The following PCDHGA9 variants were observed in gnomAD, a reference collection of about 807,000 sequenced individuals.
PCDHGA9 encodes protocadherin gamma-A9.
Under a neutral mutation model 62.5 loss-of-function variants are expected in PCDHGA9, and 37 were observed. That is an observed-to-expected ratio of 0.59 (90% CI 0.46 to 0.78). The LOEUF (loss-of-function observed/expected upper bound fraction) is 0.78, where lower values mean the gene tolerates loss of function less well. Ranked by LOEUF, PCDHGA9 falls within the 30% of genes least tolerant of loss-of-function variation. The pLI, the probability that PCDHGA9 is intolerant of heterozygous loss-of-function variation, is 0.00. For missense variants in PCDHGA9, 1,138 were observed against 1,166.2 expected (o/e 0.98, Z 0.35); for synonymous variants, 459 against 484.6 (o/e 0.95, Z 0.69).
At chr5:141,410,595 C>T (rs753833671) in intron 1 of PCDHGA9, 1 of 1,608,802 alleles carries the variant, frequency 6.2e-7, no homozygotes. Flanking sequence ...GAGGATTTGA[C>T]TTCACATCCT....
At chr5:141,408,844 C>G (rs1359968983) in intron 1 of PCDHGA9, 1 of 1,613,634 alleles carries the variant, frequency 6.2e-7, no homozygotes, top group South Asian at 1.1e-5. Context: ...TATTGACTGC[C>G]TTGGACGGAG....
Position 141,432,757 on chromosome 5 carries a change from C to T in PCDHGA9, c.2424+27381C>T. On this transcript the variant is annotated intron_variant, in intron 1 of 3. Coordinates refer to ENST00000573521, the MANE Select transcript of PCDHGA9 (RefSeq NM_018921.3). This position sits in a 1 kb window ranked among gnomAD's most constrained non-coding sequence, Gnocchi z 6.0. ...TCACGCTCACCGTGGCCGTGGCCGA[C>T]AGCATCCCCCAAGTCCTGGCGGACC... is the stretch of plus-strand genomic sequence containing the variant. 1.2e-6 allele frequency: 2 copies of T among 1,614,150 alleles called. No individual in the cohort carries two copies. Among genetic ancestry groups the T allele is most frequent in the African/African-American group, 1.3e-5 (1 of 75,076 alleles).
intron 1 of PCDHGA9, among the ~76,000 whole-genome samples, chr5:141,465,205 G>A (rs1460694369): frequency 6.6e-6 from 1 of 151,892 alleles, no homozygotes; most frequent in Admixed American, 6.6e-5. Flanking sequence ...AAAAATATAA[G>A]CTTTATTTTT....
chr5:141,449,932 A>T (rs1275797555), intron 1 of PCDHGA9, among the ~76,000 whole-genome samples: 6 of 151,660 alleles, frequency 4.0e-5, no homozygotes, highest in Non-Finnish European at 5.9e-5. Flanking sequence ...CATACCTTAT[A>T]GTATATTTTA....
At chr5:141,468,755 A>G (rs918829539) in intron 1 of PCDHGA9, among the ~76,000 whole-genome samples, 3 of 151,976 alleles carry the variant, frequency 2.0e-5, no homozygotes, top group African/African-American at 7.2e-5. Flanking sequence ...AGTCCCAGCT[A>G]CTCGGGAGGC....
Position 141,491,895 on chromosome 5 carries a change from A to G in PCDHGA9, c.2425-2912A>G. On this transcript the variant is annotated intron_variant, in intron 1 of 3. Transcript: ENST00000573521. This position sits in a 1 kb window ranked among gnomAD's most constrained non-coding sequence, Gnocchi z 6.9. Reference sequence around the variant, plus strand: ...CCGATTAAGGGATGGGGCTCCGAGCACCGGGGGTGGTGGCGACTGTGGGCG... The same window carrying G: ...CCGATTAAGGGATGGGGCTCCGAGCGCCGGGGGTGGTGGCGACTGTGGGCG... 7.0e-7 allele frequency: 1 copy of G among 1,434,306 alleles called. No homozygotes were observed. The highest frequency in any genetic ancestry group is 9.2e-7 in the Non-Finnish European group (1 of 1,084,904). 88.8% of individuals were successfully genotyped at this position (1,434,306 alleles called of 1,614,324 possible). A position where few individuals can be genotyped will look rare whatever the true frequency, so the allele number is the denominator to read the frequency against.
At chr5:141,430,100 C>T (rs6874907) in intron 1 of PCDHGA9, among the ~76,000 whole-genome samples, 7,606 of 152,160 alleles carry the variant, frequency 0.05, 372 homozygotes, top group African/African-American at 0.13. Context: ...GATTTTTAAG[C>T]GTTACATGTC....
chr5:141,475,128 C>T (rs775275292), intron 1 of PCDHGA9, among the ~76,000 whole-genome samples: 3 of 151,894 alleles, frequency 2.0e-5, no homozygotes, highest in Non-Finnish European at 4.4e-5. Context: ...GGCTTTTTTT[C>T]TTTTTGAAAT....
At chr5:141,500,192 A>T (rs865941565) in intron 2 of PCDHGA9, among the ~76,000 whole-genome samples, 1 of 110,142 alleles carries the variant, frequency 9.1e-6, no homozygotes, top group Non-Finnish European at 2.0e-5. Context: ...ATTTTTATTT[A>T]TTTATTTATT....
At position 141,485,398 on chromosome 5, in the gene PCDHGA9, C is replaced by T. The variant is rs906016330; in HGVS notation, c.2425-9409C>T. The T allele has an allele frequency of 1.3e-5, 21 of 1,614,044 alleles. No individual in the cohort carries two copies. The highest frequency in any genetic ancestry group is 1.8e-5 in the Non-Finnish European group (21 of 1,179,928). On this transcript the variant is annotated intron_variant, in intron 1 of 3. Coordinates refer to ENST00000573521, the MANE Select transcript of PCDHGA9 (RefSeq NM_018921.3). This position sits in a 1 kb window ranked among gnomAD's most constrained non-coding sequence, Gnocchi z 5.7. ...CTGGAGAGGTGAACCAAAGACACTT[C>T]CGTGTGGATTTGGACAGCGGAGCCC...
chr5:141,489,165 G>T lies in PCDHGA9; in HGVS notation c.2425-5642G>T. ...GAAGGAGACATAAGAGACTTCAGCT[G>T]CTGCATTCCAAGCCCTGGGTCTACC... On this transcript the variant is annotated intron_variant, in intron 1 of 3. Coordinates refer to ENST00000573521, the MANE Select transcript of PCDHGA9 (RefSeq NM_018921.3). This position sits in a 1 kb window ranked among gnomAD's most constrained non-coding sequence, Gnocchi z 4.5. 9.2e-7 allele frequency: 1 copy of T among 1,082,084 alleles called. No homozygotes were observed. Among genetic ancestry groups the T allele is most frequent in the Non-Finnish European group, 1.3e-6 (1 of 745,856 alleles). 67.0% of individuals were successfully genotyped at this position (1,082,084 alleles called of 1,614,324 possible).
rs1312101699 is a variant in PCDHGA9 at position 141,421,245 on chromosome 5, G to C, written c.2424+15869G>C. ...AGCCTGCCATGGCGAATCGGCTACA[G>C]CGCGGGGACCGCAGTCGGCTGCTGC... On this transcript the variant is annotated intron_variant, in intron 1 of 3. Coordinates refer to ENST00000573521, the MANE Select transcript of PCDHGA9 (RefSeq NM_018921.3). 6.2e-7 allele frequency: 1 copy of C among 1,603,936 alleles called. No homozygotes were observed. The highest frequency in any genetic ancestry group is 8.5e-7 in the Non-Finnish European group (1 of 1,176,330).
At chr5:141,429,577 T>C (rs2097225544) in intron 1 of PCDHGA9, among the ~76,000 whole-genome samples, 2 of 152,230 alleles carry the variant, frequency 1.3e-5, no homozygotes, top group South Asian at 4.1e-4. Context: ...TTACATTTAC[T>C]TTTGATTCTT....
rs1368451336 is a variant in PCDHGA9 at position 141,505,377 on chromosome 5, C to T, written c.2484-16C>T. ...CGGCCTGGGAGTCTGTGCTCACCAT[C>T]CTACTCTCTCCCCAGCTCCCAAAAT... On this transcript the variant is annotated splice_polypyrimidine_tract_variant and intron_variant, in intron 2 of 3. Transcript: ENST00000573521. The T allele has an allele frequency of 6.2e-7, 1 of 1,614,036 alleles. No individual in the cohort carries two copies. Among genetic ancestry groups the T allele is most frequent in the Non-Finnish European group, 8.5e-7 (1 of 1,179,954 alleles).
chr5:141,491,714 C>A lies in PCDHGA9; in HGVS notation c.2425-3093C>A, dbSNP rs1321811999. On this transcript the variant is annotated intron_variant, in intron 1 of 3. Transcript: ENST00000573521. The surrounding 1 kb of genome is among the most constrained non-coding windows in gnomAD (Gnocchi z 6.9). ...GAGCGGAGCCAGGTGAGGGGCTCGG[C>A]GCCGCCCCGGGCGACCCCTGGGGGC... 2 of 1,608,742 alleles carry A rather than the reference C, an allele frequency of 1.2e-6. No individual in the cohort carries two copies. The highest frequency in any genetic ancestry group is 1.7e-6 in the Non-Finnish European group (2 of 1,177,914).
intron 1 of PCDHGA9, among the ~76,000 whole-genome samples, chr5:141,405,806 C>T (rs2094720612): frequency 6.8e-6 from 1 of 146,048 alleles, no homozygotes. Context: ...TTAGCTTTCT[C>T]TTTAACTGTC....
intron 1 of PCDHGA9, among the ~76,000 whole-genome samples, chr5:141,458,215 T>C (rs2098940075): frequency 1.3e-5 from 2 of 152,174 alleles, no homozygotes; most frequent in African/African-American, 2.4e-5. Context: ...TTAAAATAAG[T>C]TTCCTTTCCC....
chr5:141,499,418 A>G (rs143234735), intron 2 of PCDHGA9, among the ~76,000 whole-genome samples: 1 of 152,296 alleles, frequency 6.6e-6, no homozygotes, highest in East Asian at 1.9e-4. Context: ...GAAACATGAA[A>G]AATAGAAAAA....
chr5:141,410,661 A>G, intron 1 of PCDHGA9: 1 of 1,572,394 alleles, frequency 6.4e-7, no homozygotes, highest in Non-Finnish European at 8.6e-7. Context: ...CTAATAGTCT[A>G]CTAGTTTCTC....
Sources: gnomAD v4.1 joint callset for allele counts (sites outside exome capture counted in the v4.1 genomes callset) on GRCh38, gnomAD v4.1.1 for gene constraint, Gnocchi (gnomAD v3.1) non-coding constraint, MANE v1.5 for transcripts, NCBI Gene and HGNC (gene_info 2026-07-23, HGNC 2026-07-21) for gene names.